ZMAT4: variants seen among roughly 807,000 people sequenced by gnomAD.
ZMAT4 encodes the protein zinc finger matrin-type 4.
Under a neutral mutation model 28.7 loss-of-function variants are expected in ZMAT4, and 17 were observed. That is an observed-to-expected ratio of 0.59 (90% CI 0.41 to 0.89). The LOEUF is 0.89. ZMAT4 is among the 40% of genes least tolerant of loss of function. ZMAT4 has a pLI of 0.00. For synonymous variants in ZMAT4, 117 were observed against 109.2 expected (o/e 1.07, Z -0.44); for missense variants, 240 against 283.8 (o/e 0.85, Z 1.11).
intron 3 of ZMAT4, among the ~76,000 whole-genome samples, chr8:40,765,333 T>C (rs942684394): frequency 2.0e-5 from 3 of 152,188 alleles, no homozygotes. Context: ...TGGGGGTGAC[T>C]TCCACGCTGT....
chr8:40,661,105 C>A (rs568795276), intron 5 of ZMAT4, among the ~76,000 whole-genome samples: 5 of 152,084 alleles, frequency 3.3e-5, no homozygotes, highest in Non-Finnish European at 7.4e-5. Context: ...GTAAATCTGG[C>A]TTTTTGTTTT....
chr8:40,742,229 C>G (rs889653696), intron 3 of ZMAT4, among the ~76,000 whole-genome samples: 2 of 151,752 alleles, frequency 1.3e-5, no homozygotes, highest in South Asian at 4.2e-4. Context: ...GCCTGGGTGA[C>G]AGAGTGAGAC....
At chr8:40,627,043 T>C (rs1283123405) in intron 5 of ZMAT4, among the ~76,000 whole-genome samples, 1 of 152,216 alleles carries the variant, frequency 6.6e-6, no homozygotes, top group African/African-American at 2.4e-5. Flanking sequence ...TAAAATTGCA[T>C]GGCCATCATC....
At chr8:40,858,909 C>G (rs549641077) in intron 1 of ZMAT4, among the ~76,000 whole-genome samples, 13 of 152,308 alleles carry the variant, frequency 8.5e-5, no homozygotes, top group African/African-American at 3.1e-4. Flanking sequence ...CCCTGCAGAA[C>G]AGCCATGTTT....
At chr8:40,604,956 C>A (rs181736913) in intron 5 of ZMAT4, among the ~76,000 whole-genome samples, 1 of 151,402 alleles carries the variant, frequency 6.6e-6, no homozygotes, top group African/African-American at 2.4e-5. Flanking sequence ...TAGGAGGGCA[C>A]ATTTGTATGC....
intron 1 of ZMAT4, among the ~76,000 whole-genome samples, chr8:40,837,272 G>A (rs145273561): frequency 2.0e-5 from 3 of 152,184 alleles, no homozygotes; most frequent in Admixed American, 1.3e-4. Flanking sequence ...CAGGCTGGAC[G>A]TTGCAGTCCT....
intron 3 of ZMAT4, among the ~76,000 whole-genome samples, chr8:40,740,715 C>T (rs1374130802): frequency 6.6e-6 from 1 of 152,194 alleles, no homozygotes; most frequent in Non-Finnish European, 1.5e-5. Flanking sequence ...ACCTCTAGGA[C>T]TGTGCACACA....
chr8:40,581,331 C>T, intron 5 of ZMAT4, 70 bp from the exon 6 acceptor site: 1 of 1,339,968 alleles, frequency 7.5e-7, no homozygotes, highest in African/African-American at 1.4e-5. Context: ...CCTAGCATCT[C>T]CAGAAGTTCA....
chr8:40,665,311 G>T (rs1267683435), intron 5 of ZMAT4, among the ~76,000 whole-genome samples: 1 of 151,998 alleles, frequency 6.6e-6, no homozygotes, highest in East Asian at 1.9e-4. Context: ...TTTCTCTGTC[G>T]CACATACTAC....
chr8:40,571,863 A>G (rs1322172629), intron 6 of ZMAT4, among the ~76,000 whole-genome samples: 1 of 152,132 alleles, frequency 6.6e-6, no homozygotes, highest in African/African-American at 2.4e-5. Context: ...CTGGTGATAC[A>G]TATTTTGTAT....
intron 2 of ZMAT4, among the ~76,000 whole-genome samples, chr8:40,777,515 T>A (rs1813648533): frequency 6.6e-6 from 1 of 152,196 alleles, no homozygotes; most frequent in Non-Finnish European, 1.5e-5. Context: ...CCGAAAGCAC[T>A]GGTGGAGTGG....
At chr8:40,565,629 C>T (rs1327775506) in intron 6 of ZMAT4, among the ~76,000 whole-genome samples, 3 of 151,938 alleles carry the variant, frequency 2.0e-5, no homozygotes, top group Non-Finnish European at 2.9e-5. Flanking sequence ...CTACACTCCT[C>T]GGCCTACCAA....
chr8:40,832,417 C>T lies in ZMAT4; in HGVS notation c.-4-6737G>A, dbSNP rs944148502. Reference sequence around the variant, plus strand: ...GCAACCTTACTCACCCTCAGTAGATCCATGACCTACTGCTGCCCTCCAACG... The same window carrying T: ...GCAACCTTACTCACCCTCAGTAGATTCATGACCTACTGCTGCCCTCCAACG... On this transcript the variant is annotated intron_variant, in intron 1 of 6. Coordinates refer to ENST00000297737, the MANE Select transcript of ZMAT4 (RefSeq NM_024645.3). Among the ~76,000 whole-genome samples, 4 of 152,150 alleles carry T rather than the reference C, an allele frequency of 2.6e-5. No homozygotes were observed. In the South Asian group the frequency reaches 8.3e-4, roughly 32 times the overall value.
intron 4 of ZMAT4, among the ~76,000 whole-genome samples, chr8:40,694,349 A>T (rs1455355481): frequency 1.3e-5 from 2 of 152,120 alleles, no homozygotes; most frequent in Non-Finnish European, 2.9e-5. Flanking sequence ...CCTCCACCTT[A>T]TACTCTAAGG....
chr8:40,824,721 AAAGAAAGAAAG>A (rs1269588076), intron 2 of ZMAT4, among the ~76,000 whole-genome samples: 3 of 151,150 alleles, frequency 2.0e-5, no homozygotes, highest in East Asian at 2.0e-4. Flanking sequence ...AGAATGAAAG[AAAGAAAGAAAG>A]AAGAAAGAAA....
chr8:40,844,756 C>A (rs547173050), intron 1 of ZMAT4, among the ~76,000 whole-genome samples: 1 of 151,376 alleles, frequency 6.6e-6, no homozygotes, highest in East Asian at 2.0e-4. Context: ...AACTTTCCAG[C>A]ATTCCAAAGT....
chr8:40,712,838 C>T (rs1431805408), intron 3 of ZMAT4, among the ~76,000 whole-genome samples: 1 of 152,122 alleles, frequency 6.6e-6, no homozygotes, highest in African/African-American at 2.4e-5. Context: ...CAAATCACAT[C>T]TCATAATGGC....
intron 2 of ZMAT4, among the ~76,000 whole-genome samples, chr8:40,769,335 G>A (rs992663556): frequency 6.6e-6 from 1 of 152,114 alleles, no homozygotes; most frequent in Non-Finnish European, 1.5e-5. Context: ...TGTCAGATGA[G>A]TCAACATTAT....
chr8:40,611,584 C>G (rs938839595), intron 5 of ZMAT4, among the ~76,000 whole-genome samples: 2 of 152,184 alleles, frequency 1.3e-5, no homozygotes, highest in East Asian at 3.9e-4. Context: ...TGGTGATCCA[C>G]CCACCTCAGC....
Sources: gnomAD v4.1 joint callset for allele counts (sites outside exome capture counted in the v4.1 genomes callset) on GRCh38, gnomAD v4.1.1 for gene constraint, MANE v1.5 for transcripts, NCBI Gene and HGNC (gene_info 2026-07-23, HGNC 2026-07-21) for gene names.